Variants in NMNAT3 observed in about 807,000 individuals in gnomAD.
NMNAT3 encodes the protein nicotinamide/nicotinic acid mononucleotide adenylyltransferase 3.
A neutral mutation model predicts 24.8 loss-of-function variants in NMNAT3; 21 were observed. The ratio of observed to expected loss-of-function variants is 0.85; its 90% CI spans 0.60 to 1.22. The LOEUF is 1.22. NMNAT3 is among the 50% of genes most tolerant of loss of function. The pLI, the probability that NMNAT3 is intolerant of heterozygous loss-of-function variation, is 0.00. For missense variants in NMNAT3, 387 were observed against 436.6 expected (o/e 0.89, Z 1.01); for synonymous variants, 136 against 155.2 (o/e 0.88, Z 0.92).
Position 139,561,388 on chromosome 3 carries a change from C to T in NMNAT3, c.663G>A (p.Val221=), listed in dbSNP as rs772032348. ...CCCCACAGAGAAGCTTCAGCTCAGG[C>T]ACAGCTGCAAAAACAAGGATGGACC... Residue 221 remains valine (V), a synonymous_variant, in exon 7 of 7, where the codon GTG becomes GTA. Coordinates refer to ENST00000643695, the MANE Select transcript of NMNAT3 (RefSeq NM_001320510.2). 2.0e-5 allele frequency: 32 copies of T among 1,611,216 alleles called. No individual in the cohort carries two copies. Among genetic ancestry groups the T allele is most frequent in the Middle Eastern group, 3.3e-4 (2 of 6,036 alleles).
At chr3:139,575,825 G>A in intron 5 of NMNAT3, 4 of 1,203,908 alleles carry the variant, frequency 3.3e-6, no homozygotes, top group Non-Finnish European at 4.2e-6. Flanking sequence ...GGAAAGATTG[G>A]AGGGCAACTG....
chr3:139,631,924 G>C (rs1470660022), intron 2 of NMNAT3, among the ~76,000 whole-genome samples: 3 of 152,114 alleles, frequency 2.0e-5, no homozygotes, highest in African/African-American at 7.2e-5. Context: ...TCTCCAAGTG[G>C]AAGATAATAT....
chr3:139,658,695 G>A (rs928526244), intron 1 of NMNAT3, among the ~76,000 whole-genome samples: 2 of 152,090 alleles, frequency 1.3e-5, no homozygotes, highest in African/African-American at 2.4e-5. Flanking sequence ...AAAAGAAGTC[G>A]CAGACAGCAG....
chr3:139,675,933 C>A, intron 1 of NMNAT3, among the ~76,000 whole-genome samples: 1 of 152,120 alleles, frequency 6.6e-6, no homozygotes, highest in East Asian at 1.9e-4. Context: ...CTGAGCAATC[C>A]TCACGACTCA....
chr3:139,596,324 C>T (rs1193722658), intron 3 of NMNAT3, among the ~76,000 whole-genome samples: 1 of 152,094 alleles, frequency 6.6e-6, no homozygotes, highest in Non-Finnish European at 1.5e-5. Context: ...GAGGTAGGTG[C>T]AGGTCAAAGG....
intron 1 of NMNAT3, among the ~76,000 whole-genome samples, chr3:139,664,724 A>C (rs1352281787): frequency 6.6e-6 from 1 of 152,222 alleles, no homozygotes; most frequent in African/African-American, 2.4e-5. Context: ...TCTTCCTTAC[A>C]ATAGAAAGAA....
At chr3:139,646,593 C>T (rs1164552143) in intron 1 of NMNAT3, among the ~76,000 whole-genome samples, 5 of 152,280 alleles carry the variant, frequency 3.3e-5, no homozygotes, top group African/African-American at 7.2e-5. Flanking sequence ...AATCACTGTC[C>T]TAATGTCTCT....
At chr3:139,592,938 CATA>C (rs2054269002) in intron 3 of NMNAT3, among the ~76,000 whole-genome samples, 2 of 152,108 alleles carry the variant, frequency 1.3e-5, no homozygotes, top group African/African-American at 4.8e-5. Context: ...CAGCTAACAT[CATA>C]ATGACAGGAT....
intron 3 of NMNAT3, among the ~76,000 whole-genome samples, chr3:139,600,430 C>T (rs62270344): frequency 0.33 from 49,872 of 151,706 alleles, 10,024 homozygotes; most frequent in South Asian, 0.63. Context: ...CTCAGCCTTC[C>T]GAGTAGCTGG....
chr3:139,582,011 A>G (rs914537565), intron 4 of NMNAT3, among the ~76,000 whole-genome samples: 11 of 150,796 alleles, frequency 7.3e-5, no homozygotes, highest in African/African-American at 2.2e-4. Context: ...CTTGGCCAAC[A>G]TGGTGAAACC....
chr3:139,672,253 T>C (rs2057783056), intron 1 of NMNAT3, among the ~76,000 whole-genome samples: 1 of 152,122 alleles, frequency 6.6e-6, no homozygotes, highest in African/African-American at 2.4e-5. Flanking sequence ...TGTCCTGCCT[T>C]GACACTTCAT....
chr3:139,579,073 G>C lies in NMNAT3; in HGVS notation c.392-18C>G. 1 of 1,607,272 alleles carries C rather than the reference G, an allele frequency of 6.2e-7. No homozygotes were observed. The highest frequency in any genetic ancestry group is 8.5e-7 in the Non-Finnish European group (1 of 1,176,242). On this transcript the variant is annotated intron_variant, in intron 4 of 6. Transcript: ENST00000643695. Reference sequence around the variant, plus strand: ...GTACATTCCTAGGTAAGAGAGAGCAGTGGTGTTGCACATACAGACAGATGC... The same window carrying C: ...GTACATTCCTAGGTAAGAGAGAGCACTGGTGTTGCACATACAGACAGATGC...
At chr3:139,676,741 G>T (rs2057941331) in intron 1 of NMNAT3, among the ~76,000 whole-genome samples, 1 of 152,200 alleles carries the variant, frequency 6.6e-6, no homozygotes, top group Non-Finnish European at 1.5e-5. Flanking sequence ...AACTAAACCA[G>T]TCATCATTTT....
At chr3:139,652,830 G>T (rs2057100599) in intron 1 of NMNAT3, among the ~76,000 whole-genome samples, 2 of 152,146 alleles carry the variant, frequency 1.3e-5, no homozygotes. Flanking sequence ...AATCACCACA[G>T]AACCAAATGC....
At chr3:139,561,720 G>A (rs1258391837) in intron 6 of NMNAT3, among the ~76,000 whole-genome samples, 1 of 152,156 alleles carries the variant, frequency 6.6e-6, no homozygotes, top group Non-Finnish European at 1.5e-5. Context: ...TGGCTGTGCT[G>A]TACCCAGTAC....
chr3:139,623,798 G>A (rs1029898326), intron 3 of NMNAT3, among the ~76,000 whole-genome samples: 21 of 152,304 alleles, frequency 1.4e-4, no homozygotes, highest in African/African-American at 4.8e-4. Context: ...GGCCAGGCTG[G>A]TCTTGAACTC....
At chr3:139,601,007 A>G (rs1245865237) in intron 3 of NMNAT3, among the ~76,000 whole-genome samples, 2 of 152,132 alleles carry the variant, frequency 1.3e-5, no homozygotes, top group African/African-American at 4.8e-5. Flanking sequence ...TCAAAAACTC[A>G]TTACCTTCTC....
intron 3 of NMNAT3, among the ~76,000 whole-genome samples, chr3:139,607,151 AATT>A (rs2054983466): frequency 6.6e-6 from 1 of 151,344 alleles, no homozygotes; most frequent in African/African-American, 2.4e-5. Context: ...ATAAATATAT[AATT>A]ATATTAATTA....
intron 3 of NMNAT3, among the ~76,000 whole-genome samples, chr3:139,588,802 C>A (rs551908395): frequency 6.6e-6 from 1 of 152,286 alleles, no homozygotes; most frequent in Non-Finnish European, 1.5e-5. Flanking sequence ...CAAATATAGG[C>A]ACAGCTGAGG....
Sources: gnomAD v4.1 joint callset for allele counts (sites outside exome capture counted in the v4.1 genomes callset) on GRCh38, gnomAD v4.1.1 for gene constraint, MANE v1.5 for transcripts, NCBI Gene and HGNC (gene_info 2026-07-23, HGNC 2026-07-21) for gene names.